Variants in CNR1 observed in about 807,000 individuals in gnomAD.
The protein encoded by CNR1 is cannabinoid receptor 1 (brain).
Under a neutral mutation model 23.0 loss-of-function variants are expected in CNR1, and 10 were observed. The ratio of observed to expected loss-of-function variants is 0.43; its 90% CI spans 0.27 to 0.74. The LOEUF is 0.74. Among genes scored for constraint, CNR1 ranks in the 30% least tolerant of loss-of-function variants. CNR1 has a pLI of 0.19. For missense variants in CNR1, 422 were observed against 618.8 expected (o/e 0.68, Z 3.37); for synonymous variants, 271 against 255.2 (o/e 1.06, Z -0.59).
At chr6:88,163,532 T>C (rs899367031) in intron 1 of CNR1, among the ~76,000 whole-genome samples, 2 of 152,248 alleles carry the variant, frequency 1.3e-5, no homozygotes, top group Non-Finnish European at 2.9e-5. Context: ...CCGTGGTTAA[T>C]GTTAATTTTG....
chr6:88,145,521 A>C (rs936650395), intron 1 of CNR1, among the ~76,000 whole-genome samples, 184 bp from the exon 2 acceptor site: 1 of 152,224 alleles, frequency 6.6e-6, no homozygotes, highest in Non-Finnish European at 1.5e-5. Flanking sequence ...AAAGCTCCCC[A>C]AAGTTCAGGG....
chr6:88,152,384 G>T (rs572925890), intron 1 of CNR1, among the ~76,000 whole-genome samples: 1 of 152,106 alleles, frequency 6.6e-6, no homozygotes, highest in East Asian at 1.9e-4. Flanking sequence ...GAGCTATAAA[G>T]CTTCTTCAGT....
intron 1 of CNR1, among the ~76,000 whole-genome samples, chr6:88,162,678 A>C (rs1778166605): frequency 6.6e-6 from 1 of 152,242 alleles, no homozygotes; most frequent in African/African-American, 2.4e-5. Context: ...GGCAACACAA[A>C]GTATATAAAC....
rs145418129 is a variant in CNR1 at position 88,142,007 on chromosome 6, A to G, written c.*1849T>C. The G allele has an allele frequency of 2.6e-5, 4 of 152,474 alleles. No homozygotes were observed. The East Asian group carries it at 7.5e-4, about 29-fold the overall frequency. The allele number at this position is 152,474 out of a possible 1,614,324, so 9.4% of individuals were successfully genotyped here. On this transcript the variant is annotated 3_prime_UTR_variant, in exon 2 of 2. Coordinates refer to ENST00000369501, the MANE Select transcript of CNR1 (RefSeq NM_016083.6). Reference sequence around the variant, plus strand: ...TTCAGCAATATCATTCCTTACTGGAAAAAGGCCCAACAAGCACCCATGGCG... The same window carrying G: ...TTCAGCAATATCATTCCTTACTGGAGAAAGGCCCAACAAGCACCCATGGCG...
At chr6:88,153,290 T>G (rs979374261) in intron 1 of CNR1, among the ~76,000 whole-genome samples, 1 of 152,188 alleles carries the variant, frequency 6.6e-6, no homozygotes, top group African/African-American at 2.4e-5. Context: ...ATAAAGTTGT[T>G]GTTTTTTTTA....
Position 88,145,150 on chromosome 6 carries a change from C to G in CNR1, c.125G>C (p.Gly42Ala). The part of the protein sequence containing the change: ...DIKGDMASKL[G>A]YFPQKFPLTS... The stretch of plus-strand genomic sequence containing the variant: ...TAAAGGGAATTTCTGTGGGAAGTAC[C>G]CTAATTTGGATGCCATGTCACCTTT... Residue 42 changes from glycine (G) to alanine (A), a missense_variant, in exon 2 of 2, where the codon GGG becomes GCG. By Grantham distance (60) the Gly-to-Ala change is moderately conservative. Around this residue, in one of 4 missense-constraint regions of CNR1, gnomAD observed 120 missense variants for 117.6 expected, o/e 1.02. Coordinates refer to ENST00000369501, the MANE Select transcript of CNR1 (RefSeq NM_016083.6). 6.2e-7 allele frequency: 1 copy of G among 1,614,064 alleles called. No individual in the cohort carries two copies. The highest frequency in any genetic ancestry group is 8.5e-7 in the Non-Finnish European group (1 of 1,180,004).
At position 88,144,126 on chromosome 6, in the gene CNR1, A is replaced by C; in HGVS notation, c.1149T>G (p.Ser383Arg). The C allele has an allele frequency of 6.2e-7, 1 of 1,614,068 alleles. No individual in the cohort carries two copies. The highest frequency in any genetic ancestry group is 8.5e-7 in the Non-Finnish European group (1 of 1,179,996). Residue 383 changes from serine (S) to arginine (R), a missense_variant, in exon 2 of 2, where the codon AGT becomes AGG. Around this residue, in one of 4 missense-constraint regions of CNR1, gnomAD observed 12 missense variants for 45.9 expected, o/e 0.26. Transcript: ENST00000369501. This position sits in a 1 kb window ranked among gnomAD's most constrained non-coding sequence, Gnocchi z 7.8. ...CGGTGGAGTTCAGCAGGCAGAGCAT[A>C]CTGCAGAATGCAAACACCGTCTTAA... ...KLIKTVFAFC[S>R]MLCLLNSTVN...
intron 1 of CNR1, among the ~76,000 whole-genome samples, chr6:88,165,217 T>A (rs1156634628): frequency 6.6e-6 from 1 of 152,182 alleles, no homozygotes; most frequent in Non-Finnish European, 1.5e-5. Context: ...TTGTAAGCCT[T>A]AACAAGAAAT....
chr6:88,143,791 A>G lies in CNR1; in HGVS notation c.*65T>C. ...AAAAATATAACCAAGGAGACAATAGACTCTTCTAGATTTTGAGCTTAAAAA... is the reference window on the plus strand; with the variant it reads ...AAAAATATAACCAAGGAGACAATAGGCTCTTCTAGATTTTGAGCTTAAAAA... On this transcript the variant is annotated 3_prime_UTR_variant, in exon 2 of 2. Coordinates refer to ENST00000369501, the MANE Select transcript of CNR1 (RefSeq NM_016083.6). The G allele has an allele frequency of 8.6e-7, 1 of 1,161,170 alleles. No individual in the cohort carries two copies. The highest frequency in any genetic ancestry group is 1.2e-6 in the Non-Finnish European group (1 of 803,324). 71.9% of individuals were successfully genotyped at this position (1,161,170 alleles called of 1,614,324 possible).
intron 1 of CNR1, among the ~76,000 whole-genome samples, chr6:88,154,534 T>TGA (rs760464298): frequency 9.2e-5 from 14 of 152,234 alleles, no homozygotes; most frequent in Non-Finnish European, 2.1e-4. Context: ...GCACTTTTCT[T>TGA]GAGAGAGAGA....
chr6:88,144,668 A>G lies in CNR1; in HGVS notation c.607T>C (p.Ser203Pro). 6.2e-7 allele frequency: 1 copy of G among 1,614,178 alleles called. No individual in the cohort carries two copies. Among genetic ancestry groups the G allele is most frequent in the Non-Finnish European group, 8.5e-7 (1 of 1,180,038 alleles). ...LGGVTASFTA[S>P]VGSLFLTAID... is the part of the protein sequence containing the mutation. ...GCTGTGAGGAACAGGCTGCCCACGGAGGCAGTGAAGGAGGCCGTGACCCCA... is the reference window on the plus strand; with the variant it reads ...GCTGTGAGGAACAGGCTGCCCACGGGGGCAGTGAAGGAGGCCGTGACCCCA... Residue 203 changes from serine (S) to proline (P), a missense_variant, in exon 2 of 2, where the codon TCC becomes CCC. Ser to Pro is a moderately conservative substitution (Grantham distance 74, BLOSUM62 -1). This residue lies in a region of CNR1 where 211 missense variants were observed against 357.3 expected (regional missense o/e 0.59). Transcript: ENST00000369501. The surrounding 1 kb of genome is among the most constrained non-coding windows in gnomAD (Gnocchi z 7.8).
rs1426908767 is a variant in CNR1, at chr6:88,141,318, T to C, written c.*2538A>G. 1 of 152,816 alleles carries C rather than the reference T, an allele frequency of 6.5e-6. No individual in the cohort carries two copies. Among genetic ancestry groups the C allele is most frequent in the African/African-American group, 2.4e-5 (1 of 41,462 alleles). The allele number at this position is 152,816 out of a possible 1,614,324, so 9.5% of individuals were successfully genotyped here. On this transcript the variant is annotated 3_prime_UTR_variant, in exon 2 of 2. Coordinates refer to ENST00000369501, the MANE Select transcript of CNR1 (RefSeq NM_016083.6). Reference sequence around the variant, plus strand: ...AACATACGTGATGATATTTCACAGATATTTCTTAGAATATCAATAAGCACC... The same window carrying C: ...AACATACGTGATGATATTTCACAGACATTTCTTAGAATATCAATAAGCACC...
rs757942881 is a variant in CNR1, at chr6:88,144,322, A to C, written c.953T>G (p.Ile318Ser). ...MIQRGTQKSI[I>S]IHTSEDGKVQ... ...CTTCCCATCCTCAGACGTGTGGATG[A>C]TGATGCTCTTCTGGGTGCCACGCTG... is the stretch of plus-strand genomic sequence containing the variant. Residue 318 changes from isoleucine (I) to serine (S), a missense_variant, in exon 2 of 2, where the codon ATC becomes AGC. Ile to Ser is a moderately radical substitution (Grantham distance 142). This residue lies in a region of CNR1 where 211 missense variants were observed against 357.3 expected (regional missense o/e 0.59). Coordinates refer to ENST00000369501, the MANE Select transcript of CNR1 (RefSeq NM_016083.6). This position sits in a 1 kb window ranked among gnomAD's most constrained non-coding sequence, Gnocchi z 7.8. 24 of 1,613,084 alleles carry C rather than the reference A, an allele frequency of 1.5e-5. 1 individual carries two copies. The South Asian group carries it at 2.5e-4, about 17-fold the overall frequency.
intron 1 of CNR1, among the ~76,000 whole-genome samples, chr6:88,165,068 CAATTTT>C (rs1778301208): frequency 1.3e-5 from 2 of 152,176 alleles, no homozygotes; most frequent in Admixed American, 6.5e-5. Context: ...TTTATCTGTT[CAATTTT>C]AAATATCTGA....
Position 88,144,630 on chromosome 6 carries a change from G to A in CNR1, c.645C>T (p.Tyr215=). Residue 215 remains tyrosine, a synonymous_variant, in exon 2 of 2, where the codon TAC becomes TAT. Transcript: ENST00000369501. This position sits in a 1 kb window ranked among gnomAD's most constrained non-coding sequence, Gnocchi z 7.8. ...GSLFLTAIDR[Y]ISIHRPLAYK... is the part of the protein sequence containing the mutation. ...AGGCCAGGGGCCTGTGAATGGATATGTACCTGTCGATGGCTGTGAGGAACA... is the reference window on the plus strand; with the variant it reads ...AGGCCAGGGGCCTGTGAATGGATATATACCTGTCGATGGCTGTGAGGAACA... 2 of 1,614,238 alleles carry A rather than the reference G, an allele frequency of 1.2e-6. No individual in the cohort carries two copies. The highest frequency in any genetic ancestry group is 1.7e-6 in the Non-Finnish European group (2 of 1,180,054).
intron 1 of CNR1, among the ~76,000 whole-genome samples, chr6:88,155,005 C>T (rs1213195552): frequency 6.6e-6 from 1 of 152,192 alleles, no homozygotes; most frequent in Non-Finnish European, 1.5e-5. Context: ...GAGATTTGGT[C>T]ATTAAAAGTG....
chr6:88,147,120 G>A (rs572464575), intron 1 of CNR1, among the ~76,000 whole-genome samples: 5 of 152,134 alleles, frequency 3.3e-5, no homozygotes, highest in East Asian at 1.9e-4. Context: ...GTGAAACCCC[G>A]TCTCTACTAA....
chr6:88,147,395 G>A (rs1214014133), intron 1 of CNR1, among the ~76,000 whole-genome samples: 1 of 152,202 alleles, frequency 6.6e-6, no homozygotes, highest in African/African-American at 2.4e-5. Context: ...AGCATGGGGA[G>A]AGCTACAATT....
chr6:88,158,223 C>A lies in CNR1; in HGVS notation c.-64+7580G>T, dbSNP rs559250981. On this transcript the variant is annotated intron_variant, in intron 1 of 1. Coordinates refer to ENST00000369501, the MANE Select transcript of CNR1 (RefSeq NM_016083.6). ...AAGAAGTATGTATGCAAATTGGATG[C>A]AAGTGCAGAATTTTTATGCCATTGA... Among the ~76,000 whole-genome samples, 6 of 152,258 alleles carry A rather than the reference C, an allele frequency of 3.9e-5. No homozygotes were observed. The East Asian group carries it at 1.2e-3, about 29-fold the overall frequency.
Sources: allele counts gnomAD v4.1 joint callset (sites outside exome capture counted in the v4.1 genomes callset), GRCh38; gene constraint gnomAD v4.1.1; regional missense constraint gnomAD v4.1.1; non-coding constraint Gnocchi (gnomAD v3.1); transcripts MANE v1.5; gene names NCBI Gene and HGNC (gene_info 2026-07-23, HGNC 2026-07-21).